Variants in VEPH1 observed in about 807,000 individuals in gnomAD.
VEPH1 encodes ventricular zone-expressed PH domain-containing protein homolog 1.
Under a neutral mutation model 85.2 loss-of-function variants are expected in VEPH1, and 80 were observed. The observed-to-expected ratio is 0.94, with a 90% CI of 0.78 to 1.13. The LOEUF is 1.13. Among genes scored for constraint, VEPH1 ranks in the 50% most tolerant of loss-of-function variants. VEPH1 has a pLI of 0.00. For synonymous variants in VEPH1, 297 were observed against 348.0 expected, an observed-to-expected ratio of 0.85 and a Z score of 1.63; for missense variants, 955 against 980.5, an observed-to-expected ratio of 0.97 and a Z score of 0.35.
intron 11 of VEPH1, 110 bp from the exon 12 acceptor site, chr3:157,286,784 G>A (rs1267904701): frequency 5.8e-6 from 5 of 864,118 alleles, no homozygotes; most frequent in Non-Finnish European, 9.3e-6. Context: ...CTCAATCTCA[G>A]TACTAAAGAC....
At chr3:157,382,070 A>C (rs10936086) in intron 6 of VEPH1, among the ~76,000 whole-genome samples, 102,518 of 151,936 alleles carry the variant, frequency 0.67, 34,885 homozygotes, top group East Asian at 0.79. Context: ...GCACACTTAA[A>C]CCATCTGTCT....
chr3:157,377,740 C>A (rs1728286789), intron 7 of VEPH1, among the ~76,000 whole-genome samples: 1 of 152,116 alleles, frequency 6.6e-6, no homozygotes. Context: ...TTGTAAGTTT[C>A]CTGACGTCTC....
intron 3 of VEPH1, among the ~76,000 whole-genome samples, chr3:157,469,653 C>G (rs1010894408): frequency 3.3e-5 from 5 of 152,300 alleles, no homozygotes; most frequent in Admixed American, 2.0e-4. Flanking sequence ...TGAGAAACAC[C>G]TATCAACATC....
chr3:157,275,566 C>T (rs1715273861), intron 12 of VEPH1, among the ~76,000 whole-genome samples: 1 of 149,354 alleles, frequency 6.7e-6, no homozygotes, highest in Admixed American at 6.7e-5. Flanking sequence ...CACAGGGACA[C>T]TCCATTTCAA....
chr3:157,462,580 G>A (rs953178263), intron 3 of VEPH1, among the ~76,000 whole-genome samples: 16 of 152,276 alleles, frequency 1.1e-4, no homozygotes, highest in African/African-American at 3.4e-4. Flanking sequence ...GCACTCAAAT[G>A]TATGTTCCTT....
intron 2 of VEPH1, among the ~76,000 whole-genome samples, chr3:157,475,556 G>C (rs959678626): frequency 6.6e-6 from 1 of 152,180 alleles, no homozygotes; most frequent in African/African-American, 2.4e-5. Context: ...AAAAGCCAGA[G>C]TGCACAAATA....
At chr3:157,473,410 A>G (rs1330113520) in intron 2 of VEPH1, among the ~76,000 whole-genome samples, 2 of 152,078 alleles carry the variant, frequency 1.3e-5, no homozygotes, top group Non-Finnish European at 2.9e-5. Context: ...TAGCTTAACT[A>G]CACTTAATTA....
chr3:157,450,318 A>G (rs1261447787), intron 4 of VEPH1, among the ~76,000 whole-genome samples: 2 of 152,004 alleles, frequency 1.3e-5, no homozygotes, highest in Non-Finnish European at 2.9e-5. Context: ...TGGCCTCCCA[A>G]AGTTCTGGGA....
intron 11 of VEPH1, among the ~76,000 whole-genome samples, chr3:157,298,495 T>C (rs1718389425): frequency 6.6e-6 from 1 of 152,216 alleles, no homozygotes; most frequent in African/African-American, 2.4e-5. Flanking sequence ...AATTTGCATT[T>C]TTAACAAGCG....
At chr3:157,292,809 TAAAAA>T (rs11332321) in intron 11 of VEPH1, among the ~76,000 whole-genome samples, 1 of 98,602 alleles carries the variant, frequency 1.0e-5, no homozygotes. Context: ...CCCTCTCTAC[TAAAAA>T]AAAAAAAAAA....
intron 3 of VEPH1, among the ~76,000 whole-genome samples, chr3:157,463,372 C>T (rs867673615): frequency 3.3e-5 from 5 of 152,284 alleles, no homozygotes; most frequent in Middle Eastern, 3.4e-3. Flanking sequence ...ATAAATCATG[C>T]GTCTATATAG....
At chr3:157,422,895 C>G (rs1732454544) in intron 5 of VEPH1, among the ~76,000 whole-genome samples, 1 of 152,022 alleles carries the variant, frequency 6.6e-6, no homozygotes, top group African/African-American at 2.4e-5. Flanking sequence ...TGACTGACTT[C>G]TCCCACCCTG....
Position 157,495,302 on chromosome 3 carries a change from T to C in VEPH1, c.48A>G (p.Arg16=). Residue 16 remains arginine (R), a synonymous_variant, in exon 2 of 14, where the codon CGA becomes CGG. Coordinates refer to ENST00000362010, the MANE Select transcript of VEPH1 (RefSeq NM_001167912.2). ...RLVLGQKDLS[R]AGDLFSLDDS... ...CATCTAAGGAGAAGAGGTCCCCAGC[T>C]CGTGAAAGATCTTTTTGTCCCAAAA... The C allele has an allele frequency of 6.2e-7, 1 of 1,614,044 alleles. No homozygotes were observed. Among genetic ancestry groups the C allele is most frequent in the South Asian group, 1.1e-5 (1 of 91,072 alleles).
intron 2 of VEPH1, among the ~76,000 whole-genome samples, chr3:157,479,026 A>G (rs1414866543): frequency 2.0e-5 from 3 of 152,216 alleles, no homozygotes; most frequent in African/African-American, 7.2e-5. Flanking sequence ...AATATTCAAA[A>G]AGACAAAAAA....
chr3:157,328,884 A>T (rs1035629870), intron 9 of VEPH1, among the ~76,000 whole-genome samples: 2 of 152,208 alleles, frequency 1.3e-5, no homozygotes, highest in African/African-American at 4.8e-5. Context: ...ATGCCAATGA[A>T]GTAGACACTT....
At chr3:157,299,496 G>A (rs1410642254) in intron 11 of VEPH1, among the ~76,000 whole-genome samples, 1 of 149,048 alleles carries the variant, frequency 6.7e-6, no homozygotes, top group African/African-American at 2.5e-5. Flanking sequence ...GGAGGTCGAG[G>A]CTGCAGTGAG....
At chr3:157,370,677 G>C (rs1727385589) in intron 7 of VEPH1, among the ~76,000 whole-genome samples, 2 of 152,214 alleles carry the variant, frequency 1.3e-5, no homozygotes, top group South Asian at 4.1e-4. Flanking sequence ...GGCAAAAGCA[G>C]AGATGGGCAG....
At chr3:157,374,813 G>C (rs1425554031) in intron 7 of VEPH1, among the ~76,000 whole-genome samples, 2 of 152,188 alleles carry the variant, frequency 1.3e-5, no homozygotes, top group African/African-American at 4.8e-5. Context: ...TGATGGTAAA[G>C]GTTAGTGGGG....
At position 157,460,270 on chromosome 3, in the gene VEPH1, T is replaced by G; in HGVS notation, c.440A>C (p.Asn147Thr). ...LHRGNKELCR[N>T]MSNYLSLAAI... The stretch of plus-strand genomic sequence containing the variant: ...AGCCAGAGACAGGTAGTTAGACATA[T>G]TCCTGCACAGTTCCTTGTTGCCTCT... The change falls in exon 4 of 14, where the codon AAT (asparagine) becomes ACT (threonine). Residue 147 changes from asparagine (N) to threonine (T), a missense_variant. Coordinates refer to ENST00000362010, the MANE Select transcript of VEPH1 (RefSeq NM_001167912.2). 1.2e-6 allele frequency: 2 copies of G among 1,614,206 alleles called. No homozygotes were observed. Among genetic ancestry groups the G allele is most frequent in the South Asian group, 2.2e-5 (2 of 91,088 alleles).
Sources: gnomAD v4.1 joint callset for allele counts (sites outside exome capture counted in the v4.1 genomes callset) on GRCh38, gnomAD v4.1.1 for gene constraint, MANE v1.5 for transcripts, NCBI Gene and HGNC (gene_info 2026-07-23, HGNC 2026-07-21) for gene names.